INPP4B: variants seen among roughly 807,000 people sequenced by gnomAD.
The protein encoded by INPP4B is inositol polyphosphate 4-phosphatase type II.
A neutral mutation model predicts 122.5 loss-of-function variants in INPP4B; 55 were observed. The observed-to-expected ratio is 0.45, with a 90% CI of 0.36 to 0.56. The LOEUF (loss-of-function observed/expected upper bound fraction) is 0.56, where lower values mean the gene tolerates loss of function less well. Ranked by LOEUF, INPP4B falls within the 20% of genes least tolerant of loss-of-function variation. INPP4B has a pLI of 0.00. For synonymous variants in INPP4B, 403 were observed against 388.7 expected (o/e 1.04, Z -0.43); for missense variants, 1,000 against 1,097.7 (o/e 0.91, Z 1.26).
intron 2 of INPP4B, among the ~76,000 whole-genome samples, chr4:142,684,401 G>T (rs1413457456): frequency 2.6e-5 from 4 of 152,014 alleles, no homozygotes; most frequent in Non-Finnish European, 5.9e-5. Context: ...CACATGCTTG[G>T]TTATCTGCAG....
chr4:142,787,226 G>A (rs1477801960), intron 1 of INPP4B, among the ~76,000 whole-genome samples: 2 of 152,112 alleles, frequency 1.3e-5, no homozygotes, highest in Admixed American at 6.6e-5. Context: ...CAAATAGCAT[G>A]TGTCAAAAAC....
intron 10 of INPP4B, among the ~76,000 whole-genome samples, chr4:142,266,024 T>C (rs919545611): frequency 7.2e-5 from 11 of 152,176 alleles, no homozygotes; most frequent in Admixed American, 7.2e-4. Context: ...AAAGGAGCTC[T>C]ACTTTGAAAT....
chr4:142,524,988 C>T (rs1182327907), intron 2 of INPP4B, among the ~76,000 whole-genome samples: 2 of 151,868 alleles, frequency 1.3e-5, no homozygotes, highest in South Asian at 2.1e-4. Flanking sequence ...TCTAGAAAAC[C>T]CCATTGTCTC....
intron 1 of INPP4B, among the ~76,000 whole-genome samples, chr4:142,775,808 C>T (rs1281456633): frequency 1.3e-5 from 2 of 152,078 alleles, no homozygotes; most frequent in African/African-American, 4.8e-5. Flanking sequence ...GGAAGCATCT[C>T]ATTTCTCATT....
intron 23 of INPP4B, among the ~76,000 whole-genome samples, chr4:142,090,949 T>A (rs772938420): frequency 6.6e-6 from 1 of 152,094 alleles, no homozygotes; most frequent in African/African-American, 2.4e-5. Flanking sequence ...ATAGAAAGAT[T>A]CATACAAAAC....
intron 17 of INPP4B, among the ~76,000 whole-genome samples, chr4:142,149,174 G>T (rs776909890): frequency 6.6e-6 from 1 of 152,162 alleles, no homozygotes; most frequent in African/African-American, 2.4e-5. Context: ...TGAGTTATTT[G>T]AGAACTGTGT....
chr4:142,763,103 TTC>T (rs1771585830), intron 1 of INPP4B, among the ~76,000 whole-genome samples: 1 of 152,220 alleles, frequency 6.6e-6, no homozygotes, highest in African/African-American at 2.4e-5. Flanking sequence ...GCATAAGGTA[TTC>T]TGTTATAGCC....
chr4:142,258,624 C>T (rs1428444446), intron 11 of INPP4B, among the ~76,000 whole-genome samples: 1 of 152,182 alleles, frequency 6.6e-6, no homozygotes, highest in Admixed American at 6.5e-5. Flanking sequence ...CACTGGTCAT[C>T]AGAGAAATGC....
chr4:142,831,738 A>G (rs192585029), intron 1 of INPP4B, among the ~76,000 whole-genome samples: 32 of 152,328 alleles, frequency 2.1e-4, no homozygotes, highest in African/African-American at 7.0e-4. Flanking sequence ...ATCAGCAAAT[A>G]TATCTGCAAT....
chr4:142,815,966 A>C (rs185322233), intron 1 of INPP4B, among the ~76,000 whole-genome samples: 28 of 152,274 alleles, frequency 1.8e-4, no homozygotes, highest in Non-Finnish European at 3.5e-4. Context: ...TGTGTAAAGA[A>C]GCAAAAGAAA....
chr4:142,725,875 T>C lies in INPP4B; in HGVS notation c.-227A>G, dbSNP rs1765284858. 2.5e-6 allele frequency: 1 copy of C among 398,036 alleles called. No individual in the cohort carries two copies. The highest frequency in any genetic ancestry group is 3.6e-5 in the East Asian group (1 of 27,958). 24.7% of individuals were successfully genotyped at this position (398,036 alleles called of 1,614,324 possible). A position where few individuals can be genotyped will look rare whatever the true frequency, so the allele number is the denominator to read the frequency against. On this transcript the variant is annotated 5_prime_UTR_variant, in exon 2 of 26. Coordinates refer to ENST00000262992, the MANE Select transcript of INPP4B (RefSeq NM_001101669.3). ...TTTTCATAAAAGACAGAAGACCTCT[T>C]GCCAGGTAACACCATTTCTTTGTAT...
At chr4:142,151,673 A>G (rs1732826553) in intron 17 of INPP4B, among the ~76,000 whole-genome samples, 1 of 152,202 alleles carries the variant, frequency 6.6e-6, no homozygotes, top group Admixed American at 6.5e-5. Context: ...TCTAATCAAA[A>G]GCAGGCTCAG....
At chr4:142,814,275 G>A (rs1437534162) in intron 1 of INPP4B, among the ~76,000 whole-genome samples, 1 of 152,086 alleles carries the variant, frequency 6.6e-6, no homozygotes, top group African/African-American at 2.4e-5. Flanking sequence ...CAGGCAATGG[G>A]GAGAATGTTT....
At chr4:142,104,550 G>T (rs1440564679) in intron 23 of INPP4B, among the ~76,000 whole-genome samples, 1 of 152,136 alleles carries the variant, frequency 6.6e-6, no homozygotes, top group Non-Finnish European at 1.5e-5. Flanking sequence ...TTGCCTTACA[G>T]TCAGCAGAAC....
chr4:142,518,338 A>G (rs1247666988), intron 2 of INPP4B, among the ~76,000 whole-genome samples: 1 of 152,194 alleles, frequency 6.6e-6, no homozygotes, highest in Non-Finnish European at 1.5e-5. Flanking sequence ...TGAACAAGTG[A>G]CTTATAAGCA....
chr4:142,385,242 CT>C (rs1050864528), intron 7 of INPP4B, among the ~76,000 whole-genome samples: 2 of 152,106 alleles, frequency 1.3e-5, no homozygotes, highest in Admixed American at 1.3e-4. Context: ...TATAAGCGTT[CT>C]TTTTTCTCTG....
chr4:142,216,892 T>A (rs886859684), intron 12 of INPP4B, among the ~76,000 whole-genome samples: 3 of 152,302 alleles, frequency 2.0e-5, no homozygotes, highest in Admixed American at 1.3e-4. Context: ...TGCTTTAATT[T>A]TGTTACATAT....
intron 1 of INPP4B, among the ~76,000 whole-genome samples, chr4:142,791,698 C>T (rs1162053465): frequency 6.6e-6 from 1 of 152,014 alleles, no homozygotes; most frequent in Non-Finnish European, 1.5e-5. Context: ...TGGGTGCATC[C>T]TCAGGGATCA....
At chr4:142,411,697 G>A (rs1157707268) in intron 5 of INPP4B, among the ~76,000 whole-genome samples, 1 of 152,144 alleles carries the variant, frequency 6.6e-6, no homozygotes, top group Non-Finnish European at 1.5e-5. Flanking sequence ...TTTGAGACCA[G>A]CCTGGCCAAC....
Sources: gnomAD v4.1 joint callset for allele counts (sites outside exome capture counted in the v4.1 genomes callset) on GRCh38, gnomAD v4.1.1 for gene constraint, MANE v1.5 for transcripts, NCBI Gene and HGNC (gene_info 2026-07-23, HGNC 2026-07-21) for gene names.